Variants in CDH13 observed in about 807,000 individuals in gnomAD.
CDH13 encodes the protein cadherin-13.
Under a neutral mutation model 63.8 loss-of-function variants are expected in CDH13, and 24 were observed. That is an observed-to-expected ratio of 0.38 (90% CI 0.27 to 0.53). The LOEUF is 0.53. CDH13 is among the 20% of genes least tolerant of loss of function. CDH13 has a pLI of 0.85. For synonymous variants in CDH13, 503 were observed against 355.3 expected, an observed-to-expected ratio of 1.42 and a Z score of -4.67; for missense variants, 1,049 against 903.1, an observed-to-expected ratio of 1.16 and a Z score of -2.07.
At chr16:83,450,508 C>A (rs752999560) in intron 6 of CDH13, among the ~76,000 whole-genome samples, 1 of 152,050 alleles carries the variant, frequency 6.6e-6, no homozygotes, top group Non-Finnish European at 1.5e-5. Flanking sequence ...ATAGGCATGC[C>A]AAATACAGCT....
intron 2 of CDH13, among the ~76,000 whole-genome samples, chr16:82,894,774 G>C (rs1173070106): frequency 1.3e-5 from 2 of 152,244 alleles, no homozygotes; most frequent in African/African-American, 4.8e-5. Flanking sequence ...GGCCTTCCCA[G>C]CAGGGCATTT....
At chr16:82,697,214 C>T (rs1223090230) in intron 1 of CDH13, among the ~76,000 whole-genome samples, 5 of 152,136 alleles carry the variant, frequency 3.3e-5, no homozygotes, top group Admixed American at 6.5e-5. Flanking sequence ...ATTTCAAAAC[C>T]ACCACACTAT....
chr16:82,710,546 AAAAAAAAT>A (rs1406901545), intron 1 of CDH13, among the ~76,000 whole-genome samples: 2 of 93,104 alleles, frequency 2.1e-5, no homozygotes, highest in East Asian at 2.9e-4. Context: ...AAAAAAAAAA[AAAAAAAAT>A]ATATATATAT....
At chr16:82,676,748 AG>A (rs1413640879) in intron 1 of CDH13, among the ~76,000 whole-genome samples, 1 of 152,126 alleles carries the variant, frequency 6.6e-6, no homozygotes, top group Non-Finnish European at 1.5e-5. Flanking sequence ...TTCTGAGACC[AG>A]CCCCTCCATT....
rs5818398 is a variant in CDH13 at position 82,700,520 on chromosome 16, AGTGTGT to A, written c.45+73404_45+73409del. On this transcript the variant is annotated intron_variant, in intron 1 of 13. Transcript: ENST00000567109. Reference sequence around the variant, plus strand: ...GAAGATACAAGAATTAGGGCTAGTAAGTGTGTGTGTGTGTGTGTGTGTGTGTCTGTG... The same window carrying A: ...GAAGATACAAGAATTAGGGCTAGTAAGTGTGTGTGTGTGTGTGTGTCTGTG... Among the ~76,000 whole-genome samples the A allele has an allele frequency of 6.3e-3, 954 of 150,810 alleles. 6 individuals carry two copies. The highest frequency in any genetic ancestry group is 0.019 in the African/African-American group (765 of 41,074).
intron 7 of CDH13, among the ~76,000 whole-genome samples, chr16:83,545,932 A>G (rs1223874108): frequency 6.6e-6 from 1 of 152,152 alleles, no homozygotes; most frequent in Non-Finnish European, 1.5e-5. Flanking sequence ...AGCTGTTCTA[A>G]GCATTGGGGT....
intron 4 of CDH13, among the ~76,000 whole-genome samples, chr16:83,136,082 G>A (rs899417542): frequency 4.0e-5 from 6 of 151,770 alleles, no homozygotes; most frequent in Admixed American, 1.3e-4. Flanking sequence ...TATTCTGATC[G>A]GGTGATGGGT....
intron 6 of CDH13, among the ~76,000 whole-genome samples, chr16:83,453,431 A>G (rs1365033764): frequency 6.6e-6 from 1 of 152,170 alleles, no homozygotes; most frequent in Non-Finnish European, 1.5e-5. Flanking sequence ...ATAACATTAC[A>G]CCCCACACAG....
intron 1 of CDH13, among the ~76,000 whole-genome samples, chr16:82,708,672 G>A (rs541560013): frequency 2.0e-5 from 3 of 152,258 alleles, no homozygotes; most frequent in African/African-American, 7.2e-5. Flanking sequence ...AAGATAGTCA[G>A]GGTCTAAAAC....
intron 2 of CDH13, among the ~76,000 whole-genome samples, chr16:82,998,051 T>C (rs7499514): frequency 0.022 from 3,403 of 152,326 alleles, 115 homozygotes; most frequent in African/African-American, 0.075. Context: ...ACAGTCATGG[T>C]CAATTCATGG....
At chr16:83,130,957 A>C (rs1168214627) in intron 4 of CDH13, among the ~76,000 whole-genome samples, 1 of 152,040 alleles carries the variant, frequency 6.6e-6, no homozygotes, top group Non-Finnish European at 1.5e-5. Context: ...GTAGAACTGA[A>C]TACCCACAGC....
intron 5 of CDH13, among the ~76,000 whole-genome samples, chr16:83,330,924 G>C (rs1304209036): frequency 6.6e-6 from 1 of 152,194 alleles, no homozygotes; most frequent in Non-Finnish European, 1.5e-5. Flanking sequence ...AATGCGATGG[G>C]ATGTTTCTCT....
intron 7 of CDH13, among the ~76,000 whole-genome samples, chr16:83,552,252 G>A (rs1374262945): frequency 6.6e-6 from 1 of 152,164 alleles, no homozygotes; most frequent in East Asian, 1.9e-4. Flanking sequence ...GGGATTCTTT[G>A]TGCCATGGAG....
chr16:82,877,924 G>GACACACACACACACAC (rs1213536997), intron 2 of CDH13, among the ~76,000 whole-genome samples: 31 of 129,364 alleles, frequency 2.4e-4, no homozygotes, highest in African/African-American at 7.1e-4. Context: ...CATACACATA[G>GACACACACACACACAC]ACACACACAC....
chr16:83,233,923 G>A (rs560190182), intron 5 of CDH13, among the ~76,000 whole-genome samples: 1 of 152,338 alleles, frequency 6.6e-6, no homozygotes, highest in East Asian at 1.9e-4. Flanking sequence ...GAGAGACAGA[G>A]TGGGTTAGGA....
At chr16:82,991,557 C>G (rs1011989414) in intron 2 of CDH13, among the ~76,000 whole-genome samples, 1 of 152,136 alleles carries the variant, frequency 6.6e-6, no homozygotes, top group African/African-American at 2.4e-5. Context: ...CAGACTACTG[C>G]AATCCCTCAT....
intron 10 of CDH13, among the ~76,000 whole-genome samples, chr16:83,734,748 A>AATG (rs1378188676): frequency 2.7e-5 from 4 of 149,448 alleles, no homozygotes; most frequent in Non-Finnish European, 5.9e-5. Flanking sequence ...TAATAATAAT[A>AATG]ATAATAAAAA....
intron 7 of CDH13, among the ~76,000 whole-genome samples, chr16:83,497,886 T>C (rs2074184650): frequency 1.3e-5 from 2 of 152,324 alleles, no homozygotes; most frequent in South Asian, 2.1e-4. Context: ...CACTTATTAA[T>C]CATCACCTTG....
intron 5 of CDH13, among the ~76,000 whole-genome samples, chr16:83,235,215 A>G (rs568653912): frequency 6.6e-6 from 1 of 152,132 alleles, no homozygotes; most frequent in Non-Finnish European, 1.5e-5. Flanking sequence ...AAAAAAGTAC[A>G]TACACACATA....
Sources: gnomAD v4.1 joint callset for allele counts (sites outside exome capture counted in the v4.1 genomes callset) on GRCh38, gnomAD v4.1.1 for gene constraint, MANE v1.5 for transcripts, NCBI Gene and HGNC (gene_info 2026-07-23, HGNC 2026-07-21) for gene names.